The following GARIN1A variants were observed in gnomAD, a reference collection of about 807,000 sequenced individuals.
GARIN1A encodes golgi associated RAB2 interactor 1A.
chr7:128,680,510 C>G, the GARIN1A span, among the ~76,000 whole-genome samples: 1 of 151,890 alleles, frequency 6.6e-6, no homozygotes. Flanking sequence ...AACCCTAGTT[C>G]TCTTTGCCTC....
the GARIN1A span, among the ~76,000 whole-genome samples, chr7:128,689,173 T>TA: frequency 1.2e-4 from 19 of 152,200 alleles, no homozygotes; most frequent in African/African-American, 4.6e-4. Context: ...CCCAGCCGCC[T>TA]ACCTTGGCCT....
chr7:128,679,544 A>C, the GARIN1A span, among the ~76,000 whole-genome samples: 1 of 152,134 alleles, frequency 6.6e-6, no homozygotes, highest in Non-Finnish European at 1.5e-5. Flanking sequence ...ATTTTTACAA[A>C]TATTTCCTCA....
the GARIN1A span, among the ~76,000 whole-genome samples, chr7:128,689,617 TGAG>T: frequency 1.5e-5 from 2 of 131,890 alleles, no homozygotes; most frequent in Non-Finnish European, 3.3e-5. Context: ...GTCTGAGAAG[TGAG>T]GAGCCCCTCC....
the GARIN1A span, chr7:128,680,239 C>A: frequency 1.5e-6 from 1 of 667,288 alleles, no homozygotes; most frequent in Non-Finnish European, 2.5e-6. Flanking sequence ...TCTTTGTATT[C>A]TTTGTATTTT....
At chr7:128,675,656 A>G in the GARIN1A span, 296 of 1,612,324 alleles carry the variant, frequency 1.8e-4, 1 homozygote, top group African/African-American at 3.7e-3. Flanking sequence ...TGACCCATGT[A>G]CCTGAGGCTG....
At chr7:128,680,107 G>C in the GARIN1A span, 34 of 1,576,412 alleles carry the variant, frequency 2.2e-5, no homozygotes, top group Non-Finnish European at 2.3e-5. Context: ...ACCAGTGGCA[G>C]TTTCTCACAG....
chr7:128,677,749 A>C, the GARIN1A span: 1 of 1,613,854 alleles, frequency 6.2e-7, no homozygotes, highest in South Asian at 1.1e-5. Flanking sequence ...ACCACCAAAG[A>C]CCCGAGAATC....
chr7:128,677,589 C>T, the GARIN1A span: 2 of 1,610,612 alleles, frequency 1.2e-6, no homozygotes, highest in Non-Finnish European at 1.7e-6. Flanking sequence ...GTACGTGGAG[C>T]TACGAATCTA....
At chr7:128,701,764 G>A in the GARIN1A span, among the ~76,000 whole-genome samples, 7 of 152,126 alleles carry the variant, frequency 4.6e-5, no homozygotes, top group African/African-American at 1.7e-4. Flanking sequence ...GGAAATTAAA[G>A]TTTAAAACAG....
At chr7:128,707,840 G>C in the GARIN1A span, among the ~76,000 whole-genome samples, 1 of 152,048 alleles carries the variant, frequency 6.6e-6, no homozygotes, top group Non-Finnish European at 1.5e-5. Flanking sequence ...GCATGCTCTT[G>C]CCTATGGCAG....
the GARIN1A span, among the ~76,000 whole-genome samples, chr7:128,678,324 ATTTG>A: frequency 6.6e-6 from 1 of 152,048 alleles, no homozygotes; most frequent in Non-Finnish European, 1.5e-5. Flanking sequence ...CCTGGCCTGT[ATTTG>A]TTTATTATTG....
chr7:128,686,277 T>C, the GARIN1A span: 1 of 152,226 alleles, frequency 6.6e-6, no homozygotes. Flanking sequence ...ATCATCATCA[T>C]AATAGCTAAC....
At chr7:128,682,960 A>G in the GARIN1A span, 1 of 1,580,184 alleles carries the variant, frequency 6.3e-7, no homozygotes, top group Admixed American at 1.9e-5. Flanking sequence ...CTGGGCTCCT[A>G]CAGGAACAAT....
chr7:128,706,702 C>T, the GARIN1A span, among the ~76,000 whole-genome samples: 3 of 152,178 alleles, frequency 2.0e-5, no homozygotes, highest in Non-Finnish European at 2.9e-5. Flanking sequence ...CTGACTCCCT[C>T]ACCCGCCACC....
chr7:128,675,874 G>C, the GARIN1A span: 1 of 1,556,378 alleles, frequency 6.4e-7, no homozygotes, highest in Non-Finnish European at 8.9e-7. Flanking sequence ...AGGCTTGAGG[G>C]AGGGCGGGAA....
the GARIN1A span, among the ~76,000 whole-genome samples, chr7:128,674,113 T>C: frequency 1.1e-4 from 16 of 152,192 alleles, no homozygotes; most frequent in South Asian, 3.3e-3. Context: ...CAAGATGGTC[T>C]TGATCTCTTG....
the GARIN1A span, chr7:128,686,402 C>T: frequency 4.6e-5 from 7 of 152,098 alleles, no homozygotes; most frequent in Non-Finnish European, 7.4e-5. Flanking sequence ...AAATGATAAA[C>T]CGGAGCCACA....
the GARIN1A span, chr7:128,686,329 T>C: frequency 5.9e-5 from 9 of 152,216 alleles, no homozygotes; most frequent in African/African-American, 2.2e-4. Context: ...ATGCTGACTT[T>C]ACAAAGATCA....
the GARIN1A span, among the ~76,000 whole-genome samples, chr7:128,700,309 C>T: frequency 1.4e-5 from 2 of 143,922 alleles, no homozygotes; most frequent in Admixed American, 7.0e-5. Context: ...GAAACGGAGT[C>T]TCTCTCTGTC....
Sources: gnomAD v4.1 joint callset for allele counts (sites outside exome capture counted in the v4.1 genomes callset) on GRCh38, gnomAD v4.1.1 for gene constraint, MANE v1.5 for transcripts, NCBI Gene and HGNC (gene_info 2026-07-23, HGNC 2026-07-21) for gene names.